The following PHLDB1 variants were observed in gnomAD, a reference collection of about 807,000 sequenced individuals.
The protein encoded by PHLDB1 is pleckstrin homology-like domain family B member 1.
In PHLDB1, 65 loss-of-function variants were observed where a neutral mutation model predicts 139.3. The ratio of observed to expected loss-of-function variants is 0.47; its 90% CI spans 0.38 to 0.57. The LOEUF is 0.57. Ranked by LOEUF, PHLDB1 falls within the 20% of genes least tolerant of loss-of-function variation. The probability of loss-of-function intolerance (pLI) is 0.00; values close to 1 mark genes in which losing one functional copy is unlikely to be tolerated. For missense variants in PHLDB1, 1,624 were observed against 1,839.7 expected (o/e 0.88, Z 2.14); for synonymous variants, 679 against 734.5 (o/e 0.92, Z 1.22).
intron 20 of PHLDB1, chr11:118,653,817 G>T (rs1555139405): frequency 6.6e-6 from 1 of 152,212 alleles, no homozygotes; most frequent in African/African-American, 2.4e-5. Context: ...CTATACAGAG[G>T]AGCATCTGTG....
At chr11:118,639,356 A>G (rs1946154623) in intron 12 of PHLDB1, 105 bp downstream of exon 12, 1 of 792,800 alleles carries the variant, frequency 1.3e-6, no homozygotes, top group Non-Finnish European at 2.2e-6. Flanking sequence ...GTGTGGGGGC[A>G]TCTTCCTGAA....
At chr11:118,649,311 GT>G (rs1948023999) in intron 18 of PHLDB1, among the ~76,000 whole-genome samples, 1 of 151,848 alleles carries the variant, frequency 6.6e-6, no homozygotes, top group South Asian at 2.1e-4. Context: ...AAGAAGCTCT[GT>G]GAATTTTACC....
At chr11:118,621,989 T>G (rs1232522922) in intron 4 of PHLDB1, among the ~76,000 whole-genome samples, 1 of 152,094 alleles carries the variant, frequency 6.6e-6, no homozygotes, top group Non-Finnish European at 1.5e-5. Flanking sequence ...TGTGTGAGCA[T>G]GTACGCCCAT....
Position 118,627,420 on chromosome 11 carries a change from G to A in PHLDB1, c.597G>A (p.Glu199=), listed in dbSNP as rs1565426591. Residue 199 remains glutamate, a synonymous_variant, in exon 6 of 23, where the codon GAG becomes GAA. Transcript: ENST00000600882. Reference sequence around the variant, plus strand: ...GCTCTATTGAGAAGGACCTGCAAGAGATCATGGACTCACTGGTGCTAGAGG... The same window carrying A: ...GCTCTATTGAGAAGGACCTGCAAGAAATCATGGACTCACTGGTGCTAGAGG... ...LVSSIEKDLQ[E]IMDSLVLEEP... The A allele has an allele frequency of 6.2e-7, 1 of 1,614,250 alleles. No homozygotes were observed. Among genetic ancestry groups the A allele is most frequent in the Admixed American group, 1.7e-5 (1 of 60,030 alleles).
intron 17 of PHLDB1, 39 bp from the exon 18 acceptor site, chr11:118,647,891 G>C (rs782348165): frequency 7.8e-6 from 12 of 1,545,060 alleles, no homozygotes; most frequent in South Asian, 2.4e-5. Context: ...GGGGGGAAGA[G>C]GATGGCCATA....
intron 11 of PHLDB1, 73 bp downstream of exon 11, chr11:118,639,074 G>A (rs1946104180): frequency 1.3e-6 from 2 of 1,551,590 alleles, no homozygotes; most frequent in Non-Finnish European, 8.9e-7. Context: ...GGACTGGGGT[G>A]TAAATGTGCT....
chr11:118,609,472 C>T (rs1555081868), intron 1 of PHLDB1, among the ~76,000 whole-genome samples: 2 of 150,446 alleles, frequency 1.3e-5, no homozygotes, highest in African/African-American at 2.4e-5. Flanking sequence ...CAGCCACACA[C>T]ACAGCCCAGC....
chr11:118,643,865 C>A lies in PHLDB1; in HGVS notation c.2943C>A (p.Leu981=). 8 of 1,613,290 alleles carry A rather than the reference C, an allele frequency of 5.0e-6. No individual in the cohort carries two copies. The highest frequency in any genetic ancestry group is 6.8e-6 in the Non-Finnish European group (8 of 1,179,494). ...SPLPRTRSGP[L]PSSSGSSSSS... is the part of the protein sequence containing the mutation. The stretch of plus-strand genomic sequence containing the variant: ...TTCCCCGGACCCGCAGCGGCCCCCT[C>A]CCCTCCTCCTCTGGCTCTTCCTCCT... The change falls in exon 14 of 23, where the codon CTC becomes CTA. Residue 981 remains leucine, a synonymous_variant. Coordinates refer to ENST00000600882, the MANE Select transcript of PHLDB1 (RefSeq NM_001144758.3).
At chr11:118,619,646 G>A (rs1942360936) in intron 4 of PHLDB1, among the ~76,000 whole-genome samples, 1 of 152,104 alleles carries the variant, frequency 6.6e-6, no homozygotes, top group Non-Finnish European at 1.5e-5. Flanking sequence ...CCAGACCGAT[G>A]AATCACTCTT....
At chr11:118,653,143 T>A (rs1261975703) in intron 20 of PHLDB1, 8 of 152,614 alleles carry the variant, frequency 5.2e-5, no homozygotes, top group African/African-American at 1.9e-4. Context: ...GTGTTACTAT[T>A]TCCTGTGAAG....
At chr11:118,612,972 A>C (rs1940792341) in intron 1 of PHLDB1, among the ~76,000 whole-genome samples, 1 of 151,828 alleles carries the variant, frequency 6.6e-6, no homozygotes, top group African/African-American at 2.4e-5. Context: ...CAAAAACATG[A>C]GCCAGGGAGA....
chr11:118,656,498 T>TGAGA (rs1350520793), intron 22 of PHLDB1, among the ~76,000 whole-genome samples, 185 bp from the exon 23 acceptor site: 2 of 152,178 alleles, frequency 1.3e-5, no homozygotes, highest in Admixed American at 6.5e-5. Context: ...TGCTGTGGTG[T>TGAGA]GAGAAGGGAA....
At chr11:118,642,653 G>T (rs1946772149) in intron 13 of PHLDB1, among the ~76,000 whole-genome samples, 1 of 152,240 alleles carries the variant, frequency 6.6e-6, no homozygotes, top group Non-Finnish European at 1.5e-5. Context: ...GCTGTGGTCA[G>T]TTTGGGATCT....
intron 4 of PHLDB1, among the ~76,000 whole-genome samples, chr11:118,618,009 G>C (rs1941999471): frequency 6.6e-6 from 1 of 152,000 alleles, no homozygotes; most frequent in Admixed American, 6.6e-5. Flanking sequence ...TTGTGAGCAG[G>C]GTATGCTTCT....
At chr11:118,634,840 G>A (rs1353762980) in intron 9 of PHLDB1, 10 of 271,172 alleles carry the variant, frequency 3.7e-5, no homozygotes, top group Non-Finnish European at 6.2e-5. Context: ...CTCCCCTCCC[G>A]CCGCTGCCGG....
chr11:118,642,718 C>T (rs1946781551), intron 13 of PHLDB1, among the ~76,000 whole-genome samples: 1 of 152,236 alleles, frequency 6.6e-6, no homozygotes, highest in African/African-American at 2.4e-5. Context: ...TTGGCAGCCC[C>T]CAACACCTGG....
chr11:118,655,893 G>A lies in PHLDB1; in HGVS notation c.3993+1G>A. On this transcript the variant is annotated splice_donor_variant, in intron 22 of 22. Transcript: ENST00000600882. LOFTEE classifies it high-confidence loss of function. ...TTTCCGCTTCACTATGGTGACTGAG[G>A]TACCCCTCCCCACTTAGCTGTAACC... is the stretch of plus-strand genomic sequence containing the variant. 1.9e-6 allele frequency: 3 copies of A among 1,609,306 alleles called. No homozygotes were observed. The highest frequency in any genetic ancestry group is 2.2e-5 in the South Asian group (2 of 90,954).
chr11:118,616,746 C>T (rs1330131787), intron 4 of PHLDB1, among the ~76,000 whole-genome samples: 1 of 152,156 alleles, frequency 6.6e-6, no homozygotes, highest in Non-Finnish European at 1.5e-5. Flanking sequence ...TAAGGTAGCT[C>T]TAAAAACTAG....
Position 118,610,496 on chromosome 11 carries a change from C to T in PHLDB1, c.-22+2797C>T. On this transcript the variant is annotated intron_variant, in intron 1 of 22. Coordinates refer to ENST00000600882, the MANE Select transcript of PHLDB1 (RefSeq NM_001144758.3). This position sits in a 1 kb window ranked among gnomAD's most constrained non-coding sequence, Gnocchi z 8.7. ...TGGCCACAGCCATGCACCGCTTGGG[C>T]CGAGGCCGAGGCCGACCCCCAGGGA... is the stretch of plus-strand genomic sequence containing the variant. The T allele has an allele frequency of 3.1e-6, 3 of 978,600 alleles. No individual in the cohort carries two copies. Among genetic ancestry groups the T allele is most frequent in the Non-Finnish European group, 3.6e-6 (3 of 823,680 alleles). The allele number at this position is 978,600 out of a possible 1,614,324, so 60.6% of individuals were successfully genotyped here.
Sources: allele counts gnomAD v4.1 joint callset (sites outside exome capture counted in the v4.1 genomes callset), GRCh38; gene constraint gnomAD v4.1.1; non-coding constraint Gnocchi (gnomAD v3.1); transcripts MANE v1.5; gene names NCBI Gene and HGNC (gene_info 2026-07-23, HGNC 2026-07-21).